Variants in SFSWAP observed in about 807,000 individuals in gnomAD.
SFSWAP encodes splicing factor SWAP, also known as splicing factor, suppressor of white-apricot homolog.
Under a neutral mutation model 100.7 loss-of-function variants are expected in SFSWAP, and 17 were observed. The observed-to-expected ratio is 0.17, with a 90% CI of 0.12 to 0.25. SFSWAP has a LOEUF of 0.25. Ranked by LOEUF, SFSWAP falls within the 10% of genes least tolerant of loss-of-function variation. The probability of loss-of-function intolerance (pLI) is 1.00; values close to 1 mark genes in which losing one functional copy is unlikely to be tolerated. For synonymous variants in SFSWAP, 504 were observed against 510.1 expected, an observed-to-expected ratio of 0.99 and a Z score of 0.16; for missense variants, 1,005 against 1,262.6, an observed-to-expected ratio of 0.80 and a Z score of 3.09.
intron 7 of SFSWAP, among the ~76,000 whole-genome samples, chr12:131,742,504 G>T (rs910250465): frequency 6.6e-6 from 1 of 151,972 alleles, no homozygotes; most frequent in Non-Finnish European, 1.5e-5. Context: ...CTGGTTAAAT[G>T]CCCAAAACGG....
At chr12:131,797,062 C>T in intron 15 of SFSWAP, 116 bp from the exon 16 acceptor site, 2 of 841,814 alleles carry the variant, frequency 2.4e-6, no homozygotes, top group South Asian at 1.6e-5. Context: ...TGGTTCCGTC[C>T]CTGAATTGTG....
rs760482187 is a variant in SFSWAP, at chr12:131,756,453, T to C, written c.1549-20T>C. Reference sequence around the variant, plus strand: ...TGTATAATTTCCTGCTGACAGTTTATAGTGACATTTAATCTCTAGGCTGTG... The same window carrying C: ...TGTATAATTTCCTGCTGACAGTTTACAGTGACATTTAATCTCTAGGCTGTG... On this transcript the variant is annotated intron_variant, in intron 10 of 17. Coordinates refer to ENST00000261674, the MANE Select transcript of SFSWAP (RefSeq NM_004592.4). 2 of 1,610,820 alleles carry C rather than the reference T, an allele frequency of 1.2e-6. No homozygotes were observed. Among genetic ancestry groups the C allele is most frequent in the Admixed American group, 1.7e-5 (1 of 59,774 alleles).
At chr12:131,726,314 A>G (rs1468463817) in intron 5 of SFSWAP, among the ~76,000 whole-genome samples, 3 of 152,094 alleles carry the variant, frequency 2.0e-5, no homozygotes, top group Admixed American at 6.5e-5. Flanking sequence ...GGTTCAAGCA[A>G]TTCTCATGCC....
intron 15 of SFSWAP, among the ~76,000 whole-genome samples, chr12:131,791,625 G>A (rs545275184): frequency 1.6e-4 from 24 of 151,928 alleles, no homozygotes; most frequent in East Asian, 7.8e-4. Context: ...GGTAGTGTGC[G>A]TCTGTAATCC....
At chr12:131,764,062 G>T (rs1882900640) in intron 11 of SFSWAP, among the ~76,000 whole-genome samples, 1 of 152,150 alleles carries the variant, frequency 6.6e-6, no homozygotes, top group Non-Finnish European at 1.5e-5. Flanking sequence ...GGAGGCAGAG[G>T]TTGCAGTGAG....
chr12:131,770,381 G>A (rs930637693), intron 13 of SFSWAP, among the ~76,000 whole-genome samples: 15 of 152,316 alleles, frequency 9.8e-5, no homozygotes, highest in East Asian at 5.8e-4. Context: ...TGGCTAGCTC[G>A]GGCTGGCTCT....
At chr12:131,743,518 CTG>C (rs1251912888) in intron 7 of SFSWAP, among the ~76,000 whole-genome samples, 5 of 152,266 alleles carry the variant, frequency 3.3e-5, no homozygotes, top group Admixed American at 6.5e-5. Flanking sequence ...CCAGGTCACG[CTG>C]ATGCAAGAGG....
chr12:131,733,630 G>GGA lies in SFSWAP; in HGVS notation c.1081+5209_1081+5210dup, dbSNP rs1449579240. Among the ~76,000 whole-genome samples, 2 of 151,984 alleles carry GGA rather than the reference G, an allele frequency of 1.3e-5. No homozygotes were observed. The highest frequency in any genetic ancestry group is 4.8e-5 in the African/African-American group (2 of 41,366). On this transcript the variant is annotated intron_variant, in intron 7 of 17. Coordinates refer to ENST00000261674, the MANE Select transcript of SFSWAP (RefSeq NM_004592.4). This position sits in a 1 kb window ranked among gnomAD's most constrained non-coding sequence, Gnocchi z 5.1. ...GCTCACCGACTGCAGCCGTATTCCTGGAGAGAGAAGGAGGCCTGTCACAGC... is the reference window on the plus strand; with the variant it reads ...GCTCACCGACTGCAGCCGTATTCCTGGAGAGAGAGAAGGAGGCCTGTCACAGC...
In SFSWAP at chr12:131,786,452, C is replaced by G. The variant is rs1884893246; in HGVS notation, c.2409-11C>G. 6.3e-7 allele frequency: 1 copy of G among 1,584,300 alleles called. No homozygotes were observed. The stretch of plus-strand genomic sequence containing the variant: ...GCCACAGAGCTGAACACTGCCTCCT[C>G]CCCTGTCCAGGTCCCGCTCCCGGTC... On this transcript the variant is annotated splice_polypyrimidine_tract_variant and intron_variant, in intron 14 of 17. Transcript: ENST00000261674.
At chr12:131,771,284 T>C (rs1029942571) in intron 13 of SFSWAP, among the ~76,000 whole-genome samples, 2 of 152,162 alleles carry the variant, frequency 1.3e-5, no homozygotes, top group African/African-American at 4.8e-5. Context: ...CGAATGACTT[T>C]AAGTAGTTTA....
Position 131,734,862 on chromosome 12 carries a change from C to G in SFSWAP, c.1081+6434C>G, listed in dbSNP as rs1224402167. Reference sequence around the variant, plus strand: ...GCATTGGAACATGACGGAGCTGCTGCTGCTGCAGCCGCAGATACCATCTCA... The same window carrying G: ...GCATTGGAACATGACGGAGCTGCTGGTGCTGCAGCCGCAGATACCATCTCA... On this transcript the variant is annotated intron_variant, in intron 7 of 17. Coordinates refer to ENST00000261674, the MANE Select transcript of SFSWAP (RefSeq NM_004592.4). This position sits in a 1 kb window ranked among gnomAD's most constrained non-coding sequence, Gnocchi z 4.9. Among the ~76,000 whole-genome samples the G allele has an allele frequency of 6.8e-6, 1 of 147,334 alleles. No homozygotes were observed. The highest frequency in any genetic ancestry group is 1.5e-5 in the Non-Finnish European group (1 of 67,086).
At chr12:131,789,447 A>G (rs1885103187) in intron 15 of SFSWAP, among the ~76,000 whole-genome samples, 2 of 152,240 alleles carry the variant, frequency 1.3e-5, no homozygotes, top group African/African-American at 4.8e-5. Context: ...ACTTGAGCTC[A>G]GGAGTTGGAG....
chr12:131,715,056 A>G, intron 3 of SFSWAP, 103 bp downstream of exon 3: 1 of 1,184,302 alleles, frequency 8.4e-7, no homozygotes, highest in South Asian at 1.4e-5. Flanking sequence ...GGCACTCATG[A>G]TAGCACCACT....
chr12:131,753,580 T>A (rs73160781), intron 8 of SFSWAP: 9,894 of 602,036 alleles, frequency 0.016, 721 homozygotes, highest in African/African-American at 0.16. Flanking sequence ...AAACCACTTA[T>A]AAAGTTGAAT....
intron 13 of SFSWAP, among the ~76,000 whole-genome samples, chr12:131,777,211 A>G (rs1028034602): frequency 1.3e-5 from 2 of 152,158 alleles, no homozygotes; most frequent in East Asian, 1.9e-4. Flanking sequence ...TTACATATGT[A>G]TACATGTGCC....
chr12:131,755,593 A>T (rs1882082712), intron 10 of SFSWAP, 114 bp downstream of exon 10: 4 of 686,392 alleles, frequency 5.8e-6, no homozygotes, highest in South Asian at 1.8e-5. Context: ...GTGATTCTTC[A>T]CCTTTTTTTA....
rs1593202313 is a variant in SFSWAP at position 131,797,471 on chromosome 12, G to T, written c.2717+111G>T. 9.7e-6 allele frequency: 10 copies of T among 1,034,448 alleles called. No homozygotes were observed. In the East Asian group the frequency reaches 2.4e-4, roughly 25 times the overall value. 64.1% of individuals were successfully genotyped at this position (1,034,448 alleles called of 1,614,324 possible). A position where few individuals can be genotyped will look rare whatever the true frequency, so the allele number is the denominator to read the frequency against. On this transcript the variant is annotated intron_variant, in intron 16 of 17. Coordinates refer to ENST00000261674, the MANE Select transcript of SFSWAP (RefSeq NM_004592.4). ...TGTCAGTACTCGCCTGTGTCCAGGG[G>T]GCGCCAGCCACAAAGCCAAACCGCA... is the stretch of plus-strand genomic sequence containing the variant.
chr12:131,716,106 G>A (rs764810935), intron 3 of SFSWAP, among the ~76,000 whole-genome samples: 10 of 152,142 alleles, frequency 6.6e-5, no homozygotes, highest in Admixed American at 1.3e-4. Context: ...TCTACCCATC[G>A]GCACTCTCCA....
chr12:131,751,987 C>T (rs187669849), intron 7 of SFSWAP, among the ~76,000 whole-genome samples: 31 of 152,282 alleles, frequency 2.0e-4, no homozygotes, highest in Admixed American at 6.5e-5. Context: ...TAGAGAACAA[C>T]GGTTTAGGAG....
Sources: gnomAD v4.1 joint callset for allele counts (sites outside exome capture counted in the v4.1 genomes callset) on GRCh38, gnomAD v4.1.1 for gene constraint, Gnocchi (gnomAD v3.1) non-coding constraint, MANE v1.5 for transcripts, NCBI Gene and HGNC (gene_info 2026-07-23, HGNC 2026-07-21) for gene names.